CSMD1: variants seen among roughly 807,000 people sequenced by gnomAD.
CSMD1 encodes the protein CUB and sushi domain-containing protein 1.
Under a neutral mutation model 417.5 loss-of-function variants are expected in CSMD1, and 213 were observed. The ratio of observed to expected loss-of-function variants is 0.51; its 90% CI spans 0.46 to 0.57. The LOEUF (loss-of-function observed/expected upper bound fraction) is 0.57. CSMD1 is among the 20% of genes least tolerant of loss of function. The probability of loss-of-function intolerance (pLI) is 0.00; values close to 1 mark genes in which losing one functional copy is unlikely to be tolerated. For synonymous variants in CSMD1, 2,862 were observed against 1,736.8 expected, an observed-to-expected ratio of 1.65 and a Z score of -16.11; for missense variants, 6,923 against 4,529.7, an observed-to-expected ratio of 1.53 and a Z score of -15.17.
chr8:3,120,704 A>T (rs6982843), intron 41 of CSMD1, among the ~76,000 whole-genome samples: 3 of 148,816 alleles, frequency 2.0e-5, no homozygotes, highest in East Asian at 2.0e-4. Flanking sequence ...AAAATTAGCC[A>T]GGGGGGGTGA....
chr8:3,287,386 C>T (rs990551975), intron 25 of CSMD1, among the ~76,000 whole-genome samples: 6 of 152,192 alleles, frequency 3.9e-5, no homozygotes, highest in African/African-American at 1.2e-4. Flanking sequence ...TATAAATTAC[C>T]TTGGGCAGTA....
chr8:4,670,593 G>A (rs1462143370), intron 1 of CSMD1, among the ~76,000 whole-genome samples: 2 of 152,092 alleles, frequency 1.3e-5, no homozygotes, highest in Admixed American at 6.6e-5. Context: ...TTTGCTATAG[G>A]CAGTTCTGTA....
At chr8:3,681,610 C>T (rs957760785) in intron 7 of CSMD1, among the ~76,000 whole-genome samples, 1 of 152,144 alleles carries the variant, frequency 6.6e-6, no homozygotes, top group African/African-American at 2.4e-5. Context: ...AATGGCCATA[C>T]TGCCCAAGGT....
chr8:4,387,867 A>T (rs1034966995), intron 3 of CSMD1, among the ~76,000 whole-genome samples: 6 of 152,120 alleles, frequency 3.9e-5, no homozygotes, highest in African/African-American at 1.4e-4. Flanking sequence ...AATATTCTTT[A>T]ATGTCCTTAT....
chr8:3,855,597 G>C (rs554050540), intron 5 of CSMD1, among the ~76,000 whole-genome samples: 9 of 152,272 alleles, frequency 5.9e-5, no homozygotes, highest in African/African-American at 1.7e-4. Flanking sequence ...TACAATGCCA[G>C]ATGACTGAGT....
intron 3 of CSMD1, among the ~76,000 whole-genome samples, chr8:4,046,048 G>C (rs1024831728): frequency 6.6e-6 from 1 of 151,942 alleles, no homozygotes; most frequent in Non-Finnish European, 1.5e-5. Context: ...ATGCAGATTA[G>C]ATTTTAAAAT....
At chr8:4,094,375 G>C (rs1295008423) in intron 3 of CSMD1, among the ~76,000 whole-genome samples, 1 of 152,096 alleles carries the variant, frequency 6.6e-6, no homozygotes, top group East Asian at 1.9e-4. Flanking sequence ...AGGAAAGAGT[G>C]GGTCATATTT....
intron 3 of CSMD1, among the ~76,000 whole-genome samples, chr8:4,396,823 C>T (rs1898617): frequency 6.6e-6 from 1 of 151,918 alleles, no homozygotes; most frequent in Non-Finnish European, 1.5e-5. Flanking sequence ...GAAGTGGGAG[C>T]TAAGCTATGA....
chr8:3,923,633 C>A lies in CSMD1; in HGVS notation c.818+74270G>T, dbSNP rs138058710. On this transcript the variant is annotated intron_variant, in intron 5 of 69. Transcript: ENST00000635120. ...CATTTTTGTGGTTCAGTAATTTTAA[C>A]TCTACTCTCTTAGAAATTTTCAAAT... Among the ~76,000 whole-genome samples, 873 of 152,260 alleles carry A rather than the reference C, an allele frequency of 5.7e-3. 9 individuals are homozygous for A. The highest frequency in any genetic ancestry group is 8.6e-3 in the Non-Finnish European group (588 of 68,024).
chr8:3,967,012 T>C (rs1812720900), intron 5 of CSMD1, among the ~76,000 whole-genome samples: 2 of 152,110 alleles, frequency 1.3e-5, no homozygotes, highest in African/African-American at 4.8e-5. Flanking sequence ...TGTCAATTGG[T>C]GAAATAATCT....
chr8:4,141,950 G>T (rs1300946136), intron 3 of CSMD1, among the ~76,000 whole-genome samples: 1 of 150,706 alleles, frequency 6.6e-6, no homozygotes, highest in Non-Finnish European at 1.5e-5. Context: ...ATAACATCAT[G>T]GTGTTAATTT....
chr8:3,690,386 C>G (rs1455843491), intron 7 of CSMD1, among the ~76,000 whole-genome samples: 1 of 152,160 alleles, frequency 6.6e-6, no homozygotes, highest in Non-Finnish European at 1.5e-5. Flanking sequence ...TTACCTGAAT[C>G]TAAAATTTGC....
chr8:3,597,116 G>C (rs1801131360), intron 8 of CSMD1, among the ~76,000 whole-genome samples: 1 of 152,164 alleles, frequency 6.6e-6, no homozygotes, highest in Non-Finnish European at 1.5e-5. Flanking sequence ...CTGAGGCTCT[G>C]GCTTCTTCAG....
chr8:4,239,661 G>C (rs1287676515), intron 3 of CSMD1, among the ~76,000 whole-genome samples: 3 of 152,168 alleles, frequency 2.0e-5, no homozygotes, highest in African/African-American at 4.8e-5. Flanking sequence ...GGGTCACAGA[G>C]CATTGCATTA....
chr8:3,962,729 T>A (rs778878983), intron 5 of CSMD1, among the ~76,000 whole-genome samples: 1 of 152,034 alleles, frequency 6.6e-6, no homozygotes, highest in African/African-American at 2.4e-5. Flanking sequence ...ACTCTTCGGG[T>A]TGGACTCAAG....
At chr8:4,026,877 G>A (rs1014175176) in intron 4 of CSMD1, among the ~76,000 whole-genome samples, 1 of 152,192 alleles carries the variant, frequency 6.6e-6, no homozygotes, top group South Asian at 2.1e-4. Context: ...TTGGAATTTG[G>A]CAAGGTGTAG....
chr8:4,518,925 G>C (rs1476947043), intron 2 of CSMD1, among the ~76,000 whole-genome samples: 1 of 152,082 alleles, frequency 6.6e-6, no homozygotes, highest in African/African-American at 2.4e-5. Context: ...ATGAGTTAAA[G>C]AATTTATCAG....
chr8:4,673,003 T>C (rs981246579), intron 1 of CSMD1, among the ~76,000 whole-genome samples: 2 of 151,202 alleles, frequency 1.3e-5, no homozygotes, highest in African/African-American at 2.4e-5. Flanking sequence ...TATGCATGCA[T>C]ACATGGTGAC....
intron 4 of CSMD1, among the ~76,000 whole-genome samples, chr8:4,007,738 C>A (rs925844780): frequency 6.6e-6 from 1 of 151,932 alleles, no homozygotes; most frequent in Non-Finnish European, 1.5e-5. Flanking sequence ...ACAGTTATAT[C>A]AGTTGCAAAC....
Sources: gnomAD v4.1 joint callset for allele counts (sites outside exome capture counted in the v4.1 genomes callset) on GRCh38, gnomAD v4.1.1 for gene constraint, MANE v1.5 for transcripts, NCBI Gene and HGNC (gene_info 2026-07-23, HGNC 2026-07-21) for gene names.